The following USP40 variants were observed in gnomAD, a reference collection of about 807,000 sequenced individuals.
USP40 encodes ubiquitin carboxyl-terminal hydrolase 40.
In USP40, 143 loss-of-function variants were observed where a neutral mutation model predicts 166.2. The ratio of observed to expected loss-of-function variants is 0.86; its 90% CI spans 0.75 to 0.99. USP40 has a LOEUF of 0.99. Ranked by LOEUF, USP40 falls within the 50% of genes least tolerant of loss-of-function variation. The probability of loss-of-function intolerance (pLI) is 0.00; values close to 1 mark genes in which losing one functional copy is unlikely to be tolerated. For missense variants in USP40, 1,444 were observed against 1,479.7 expected, an observed-to-expected ratio of 0.98 and a Z score of 0.40; for synonymous variants, 498 against 524.0, an observed-to-expected ratio of 0.95 and a Z score of 0.68.
At chr2:233,534,578 C>T (rs2068804914) in intron 10 of USP40, among the ~76,000 whole-genome samples, 2 of 152,142 alleles carry the variant, frequency 1.3e-5, no homozygotes, top group South Asian at 4.1e-4. Context: ...GTGGTAATGT[C>T]AACTCTCTGA....
intron 8 of USP40, among the ~76,000 whole-genome samples, chr2:233,548,260 G>A (rs1029478189): frequency 6.6e-6 from 1 of 152,138 alleles, no homozygotes; most frequent in Non-Finnish European, 1.5e-5. Flanking sequence ...CTGTTTCAAA[G>A]AGCAACCATG....
At chr2:233,538,336 G>C (rs141806450) in intron 10 of USP40, among the ~76,000 whole-genome samples, 141 of 152,184 alleles carry the variant, frequency 9.3e-4, no homozygotes, top group Middle Eastern at 3.4e-3. Context: ...GGAAGAGACT[G>C]TCAAACTCTC....
At chr2:233,491,603 CGTGTGTGTGTGTGTGTGTGT>C (rs3075066) in intron 25 of USP40, among the ~76,000 whole-genome samples, 1 of 149,940 alleles carries the variant, frequency 6.7e-6, no homozygotes, top group Non-Finnish European at 1.5e-5. Flanking sequence ...ACCTGTTCCT[CGTGTGTGTGTGTGTGTGTGT>C]GTGTGTGTGT....
At chr2:233,499,805 C>T in intron 22 of USP40, 74 bp downstream of exon 22, 1 of 1,374,684 alleles carries the variant, frequency 7.3e-7, no homozygotes, top group Non-Finnish European at 1.0e-6. Context: ...TTTCCTACAA[C>T]CCTGGAGAAA....
intron 9 of USP40, among the ~76,000 whole-genome samples, chr2:233,541,616 T>C (rs964820445): frequency 2.6e-5 from 4 of 152,214 alleles, no homozygotes; most frequent in Non-Finnish European, 5.9e-5. Flanking sequence ...ACAATAGTCA[T>C]AGATCAATAT....
In USP40 at chr2:233,479,368, T is replaced by G. The variant is rs182488083; in HGVS notation, c.3599+1835A>C. 7.2e-4 allele frequency among the ~76,000 whole-genome samples: 110 copies of G among 152,190 alleles called. 1 individual carries two copies. The East Asian group carries it at 0.016, about 22-fold the overall frequency. ...TCACAAGGTCAAGAGATTGAGACCATCCTGGCCAACATGGTGAAACCTCGT... is the reference window on the plus strand; with the variant it reads ...TCACAAGGTCAAGAGATTGAGACCAGCCTGGCCAACATGGTGAAACCTCGT... On this transcript the variant is annotated intron_variant, in intron 31 of 31. Transcript: ENST00000678225.
At chr2:233,502,113 A>C (rs1254627897) in intron 21 of USP40, among the ~76,000 whole-genome samples, 1 of 152,238 alleles carries the variant, frequency 6.6e-6, no homozygotes, top group African/African-American at 2.4e-5. Context: ...TGACCCTGAC[A>C]TAAGCTGTTT....
chr2:233,506,326 T>C (rs2066414613), intron 21 of USP40, among the ~76,000 whole-genome samples: 1 of 152,132 alleles, frequency 6.6e-6, no homozygotes, highest in Admixed American at 6.5e-5. Flanking sequence ...ATTCCCTAAC[T>C]CTCACTAAAT....
chr2:233,553,104 A>G (rs1046438858), intron 6 of USP40, among the ~76,000 whole-genome samples: 3 of 152,218 alleles, frequency 2.0e-5, no homozygotes, highest in Non-Finnish European at 4.4e-5. Flanking sequence ...GAGACAGCAC[A>G]TCCAGGCCAC....
chr2:233,529,441 G>T lies in USP40; in HGVS notation c.1543C>A (p.Gln515Lys). 6.4e-7 allele frequency: 1 copy of T among 1,569,264 alleles called. No homozygotes were observed. The highest frequency in any genetic ancestry group is 8.7e-7 in the Non-Finnish European group (1 of 1,155,048). ...GCAATTTAAAATTACCTTTTGGTTT[G>T]CAGTTCAATGTTAGCTGCATCCATT... The part of the protein sequence containing the change: ...NEMDAANIEL[Q>K]TKRAECDSAN... Residue 515 changes from glutamine to lysine, a missense_variant, in exon 12 of 32, where the codon CAA becomes AAA. Coordinates refer to ENST00000678225, the MANE Select transcript of USP40 (RefSeq NM_001365479.2).
At chr2:233,535,743 A>AG (rs1299180330) in intron 10 of USP40, among the ~76,000 whole-genome samples, 2 of 152,188 alleles carry the variant, frequency 1.3e-5, no homozygotes, top group African/African-American at 2.4e-5. Flanking sequence ...TATATGGAGC[A>AG]GGGGGGCAAG....
intron 31 of USP40, among the ~76,000 whole-genome samples, chr2:233,477,885 G>A (rs534320317): frequency 8.5e-5 from 13 of 152,376 alleles, no homozygotes; most frequent in Admixed American, 3.3e-4. Context: ...GTGACATGAT[G>A]CAGAGGCTGC....
In USP40 at chr2:233,510,693, C is replaced by T. The variant is rs553973230; in HGVS notation, c.2527-558G>A. Among the ~76,000 whole-genome samples, 8 of 152,050 alleles carry T rather than the reference C, an allele frequency of 5.3e-5. No homozygotes were observed. In the East Asian group the frequency reaches 9.7e-4, roughly 18 times the overall value. On this transcript the variant is annotated intron_variant, in intron 20 of 31. Transcript: ENST00000678225. ...GGTTGGGATTACAGATGTGAGCCAC[C>T]GCGCCCGGCCAACATACACTATTTC... is the stretch of plus-strand genomic sequence containing the variant.
chr2:233,519,499 G>C (rs1434204985), intron 18 of USP40, 115 bp downstream of exon 18: 1 of 611,164 alleles, frequency 1.6e-6, no homozygotes, highest in Admixed American at 3.5e-5. Context: ...GTCCATTTTG[G>C]GTGGTAGGTA....
chr2:233,536,011 T>G (rs1424019875), intron 10 of USP40, among the ~76,000 whole-genome samples: 2 of 152,070 alleles, frequency 1.3e-5, no homozygotes, highest in Non-Finnish European at 2.9e-5. Context: ...CAACTAAAAT[T>G]TATCAATTTG....
At chr2:233,490,220 G>A (rs1160427022) in intron 26 of USP40, among the ~76,000 whole-genome samples, 2 of 137,262 alleles carry the variant, frequency 1.5e-5, no homozygotes, top group East Asian at 4.2e-4. Flanking sequence ...CTGAAGTGCA[G>A]TGGCGCAATC....
chr2:233,481,118 G>T, intron 31 of USP40, 85 bp downstream of exon 31: 1 of 1,300,246 alleles, frequency 7.7e-7, no homozygotes, highest in Non-Finnish European at 1.1e-6. Flanking sequence ...AAGAGTTTCC[G>T]GTCCCTCTCA....
At chr2:233,488,412 G>GAGTACTTATAAGAACTTATA (rs1401604056) in intron 27 of USP40, 108 bp from the exon 28 acceptor site, 7 of 1,064,976 alleles carry the variant, frequency 6.6e-6, no homozygotes, top group Non-Finnish European at 9.6e-6. Context: ...ATTGTTTTCT[G>GAGTACTTATAAGAACTTATA]AGTACTTATA....
At chr2:233,533,417 A>G (rs2125278138) in intron 11 of USP40, 62 bp downstream of exon 11, 1 of 1,490,636 alleles carries the variant, frequency 6.7e-7, no homozygotes, top group East Asian at 2.3e-5. Flanking sequence ...TTCAAACAGC[A>G]TTCCATGTTT....
Sources: allele counts gnomAD v4.1 joint callset (sites outside exome capture counted in the v4.1 genomes callset), GRCh38; gene constraint gnomAD v4.1.1; transcripts MANE v1.5; gene names NCBI Gene and HGNC (gene_info 2026-07-23, HGNC 2026-07-21).